The following DNAH17 variants were observed in gnomAD, a reference collection of about 807,000 sequenced individuals.
DNAH17 encodes the protein dynein axonemal heavy chain 17.
In DNAH17, 376 loss-of-function variants were observed where a neutral mutation model predicts 485.6. The ratio of observed to expected loss-of-function variants is 0.77; its 90% CI spans 0.71 to 0.84. The LOEUF is 0.84. Ranked by LOEUF, DNAH17 falls within the 40% of genes least tolerant of loss-of-function variation. DNAH17 has a pLI of 0.00. For synonymous variants in DNAH17, 3,031 were observed against 2,405.9 expected (o/e 1.26, Z -7.60); for missense variants, 6,370 against 5,839.3 (o/e 1.09, Z -2.96).
At chr17:78,426,702 C>T (rs751196134) in intron 78 of DNAH17, 102 bp from the exon 79 acceptor site, 1 of 1,477,020 alleles carries the variant, frequency 6.8e-7, no homozygotes, top group Non-Finnish European at 9.1e-7. Context: ...TGGCTTTGTG[C>T]TGCGCCTCTG....
intron 20 of DNAH17, 90 bp from the exon 21 acceptor site, chr17:78,530,602 T>A: frequency 1.4e-6 from 2 of 1,407,384 alleles, no homozygotes. Context: ...CTTCCTGCAC[T>A]GCACCTGCGC....
In DNAH17 at chr17:78,500,377, C is replaced by T. The variant is rs150399243; in HGVS notation, c.5568G>A (p.Thr1856=). The T allele has an allele frequency of 5.0e-4, 813 of 1,612,440 alleles. No homozygotes were observed. The highest frequency in any genetic ancestry group is 6.4e-4 in the Non-Finnish European group (759 of 1,179,380). ...AGPAGTGKTE[T]TKDLGRALGT... ...CCAGGGCTCTGCCCAGGTCCTTGGT[C>T]GTCTCAGTCTTGCCGGTCCCAGCGG... The change falls in exon 36 of 81, where the codon ACG becomes ACA. Residue 1856 remains threonine (T), a synonymous_variant. Transcript: ENST00000389840.
chr17:78,561,283 A>G (rs2092148619), intron 12 of DNAH17, among the ~76,000 whole-genome samples: 1 of 145,894 alleles, frequency 6.9e-6, no homozygotes. Context: ...CCAAACAACC[A>G]CATAAAAGGC....
intron 59 of DNAH17, 58 bp from the exon 60 acceptor site, chr17:78,460,059 C>T: frequency 1.3e-6 from 2 of 1,597,656 alleles, no homozygotes; most frequent in Non-Finnish European, 1.7e-6. Flanking sequence ...CTCGGTGATG[C>T]CCCGAAGAAG....
At position 78,537,498 on chromosome 17, in the gene DNAH17, G is replaced by A; in HGVS notation, c.2677-17C>T. ...GATACTCTCCTGAAAGAGGGGTGGG[G>A]TTGGCAGTGGTCAACACCTCTGTCC... On this transcript the variant is annotated splice_polypyrimidine_tract_variant and intron_variant, in intron 18 of 80. Coordinates refer to ENST00000389840, the MANE Select transcript of DNAH17 (RefSeq NM_173628.4). The A allele has an allele frequency of 3.7e-6, 6 of 1,611,918 alleles. No homozygotes were observed. The highest frequency in any genetic ancestry group is 4.2e-6 in the Non-Finnish European group (5 of 1,179,320).
At chr17:78,439,628 G>A (rs977688196) in intron 72 of DNAH17, among the ~76,000 whole-genome samples, 2 of 150,274 alleles carry the variant, frequency 1.3e-5, no homozygotes, top group East Asian at 2.0e-4. Flanking sequence ...TAGTGTTTTT[G>A]AGGTCCATCC....
intron 25 of DNAH17, chr17:78,522,692 T>C (rs2090964378): frequency 4.9e-6 from 1 of 202,940 alleles, no homozygotes; most frequent in African/African-American, 2.4e-5. Context: ...AATTCCAAAG[T>C]TCAGAGAATG....
intron 72 of DNAH17, 148 bp downstream of exon 72, chr17:78,440,903 T>G (rs575824662): frequency 2.0e-6 from 2 of 981,148 alleles, no homozygotes. Context: ...GTTATTTTCC[T>G]GTTCTTGATC....
At chr17:78,426,644 C>A in intron 78 of DNAH17, 44 bp from the exon 79 acceptor site, 1 of 1,556,274 alleles carries the variant, frequency 6.4e-7, no homozygotes, top group Non-Finnish European at 8.7e-7. Flanking sequence ...GAGCTGGGGC[C>A]TGGGAGAGCA....
intron 62 of DNAH17, among the ~76,000 whole-genome samples, chr17:78,457,657 C>CTT (rs71160297): frequency 6.3e-4 from 42 of 66,768 alleles, no homozygotes; most frequent in African/African-American, 1.8e-3. Flanking sequence ...CCGTGCCTGG[C>CTT]TTTTTTTTTT....
At chr17:78,488,396 C>A (rs543522673) in intron 44 of DNAH17, among the ~76,000 whole-genome samples, 1 of 152,312 alleles carries the variant, frequency 6.6e-6, no homozygotes, top group East Asian at 1.9e-4. Flanking sequence ...ATACTCAGGT[C>A]TCCTCCTCCT....
rs1042685940 is a variant in DNAH17, at chr17:78,526,741, CGA to C, written c.3625-6_3625-5del. ...CCCTGAACTCATGTTGCTTGAGCTGCGAGAGAAGAGTGCAAAGTACAGAGAGT... is the reference window on the plus strand; with the variant it reads ...CCCTGAACTCATGTTGCTTGAGCTGCGAGAAGAGTGCAAAGTACAGAGAGT... On this transcript the variant is annotated splice_polypyrimidine_tract_variant and splice_region_variant and intron_variant, in intron 23 of 80. Coordinates refer to ENST00000389840, the MANE Select transcript of DNAH17 (RefSeq NM_173628.4). The C allele has an allele frequency of 1.6e-5, 26 of 1,603,522 alleles. No homozygotes were observed. Among genetic ancestry groups the C allele is most frequent in the Non-Finnish European group, 2.1e-5 (25 of 1,172,972 alleles).
At chr17:78,464,784 G>A (rs1200279336) in intron 56 of DNAH17, among the ~76,000 whole-genome samples, 2 of 152,182 alleles carry the variant, frequency 1.3e-5, no homozygotes, top group African/African-American at 2.4e-5. Context: ...CCTTGGCTGC[G>A]CCGGGGCTGA....
At chr17:78,520,900 A>T (rs888129334) in intron 25 of DNAH17, among the ~76,000 whole-genome samples, 29 of 152,294 alleles carry the variant, frequency 1.9e-4, no homozygotes, top group East Asian at 1.9e-4. Flanking sequence ...ATGGAAAAGT[A>T]CAAGTCCTAG....
intron 37 of DNAH17, among the ~76,000 whole-genome samples, chr17:78,498,307 C>A (rs1037642156): frequency 6.6e-6 from 1 of 152,218 alleles, no homozygotes; most frequent in African/African-American, 2.4e-5. Flanking sequence ...ACACCGCCAA[C>A]GCCCTGACTT....
chr17:78,526,888 G>T lies in DNAH17; in HGVS notation c.3616C>A (p.Gln1206Lys). 1 of 1,573,376 alleles carries T rather than the reference G, an allele frequency of 6.4e-7. No homozygotes were observed. The highest frequency in any genetic ancestry group is 8.6e-7 in the Non-Finnish European group (1 of 1,158,958). ...EVSILRRKCQQFELKQHEFRE... is the reference protein window; with the variant it reads ...EVSILRRKCQKFELKQHEFRE... Reference sequence around the variant, plus strand: ...TGCCCCAGGTATAATACCTCGAATTGCTGGCATTTCCGCCGCAGGATGCTG... The same window carrying T: ...TGCCCCAGGTATAATACCTCGAATTTCTGGCATTTCCGCCGCAGGATGCTG... Residue 1206 changes from glutamine (Q) to lysine (K), a missense_variant, in exon 23 of 81, where the codon CAA becomes AAA. Physicochemically the swap from Gln to Lys is moderately conservative, Grantham distance 53. Transcript: ENST00000389840.
intron 62 of DNAH17, among the ~76,000 whole-genome samples, chr17:78,456,360 G>T (rs1015439801): frequency 6.6e-6 from 1 of 152,250 alleles, no homozygotes; most frequent in East Asian, 1.9e-4. Flanking sequence ...CCTTAGGAAT[G>T]CTGTGTTTCC....
Position 78,423,863 on chromosome 17 carries a change from G to A in DNAH17, c.*43C>T. On this transcript the variant is annotated 3_prime_UTR_variant, in exon 81 of 81. Transcript: ENST00000389840. ...AGGTGCACAGGTGAAGGGCTGAGTT[G>A]TGGTCCAGCCCCAGGGAGTGTGGGC... The A allele has an allele frequency of 6.2e-7, 1 of 1,607,186 alleles. No homozygotes were observed. Among genetic ancestry groups the A allele is most frequent in the Non-Finnish European group, 8.5e-7 (1 of 1,175,218 alleles).
chr17:78,566,109 A>G (rs1568265019), intron 11 of DNAH17, among the ~76,000 whole-genome samples: 1 of 152,132 alleles, frequency 6.6e-6, no homozygotes, highest in Non-Finnish European at 1.5e-5. Context: ...CTCACCAGAC[A>G]CCGAGTCTGC....
Sources: allele counts gnomAD v4.1 joint callset (sites outside exome capture counted in the v4.1 genomes callset), GRCh38; gene constraint gnomAD v4.1.1; transcripts MANE v1.5; gene names NCBI Gene and HGNC (gene_info 2026-07-23, HGNC 2026-07-21).